The following KRT23 variants were observed in gnomAD, a reference collection of about 807,000 sequenced individuals.
The protein encoded by KRT23 is keratin 23.
In KRT23, 38 loss-of-function variants were observed where a neutral mutation model predicts 47.6. That is an observed-to-expected ratio of 0.80 (90% CI 0.62 to 1.05). The LOEUF (loss-of-function observed/expected upper bound fraction) is 1.05, where lower values mean the gene tolerates loss of function less well. Ranked by LOEUF, KRT23 falls within the 50% of genes least tolerant of loss-of-function variation. KRT23 has a pLI of 0.00. For missense variants in KRT23, 503 were observed against 529.5 expected (o/e 0.95, Z 0.49); for synonymous variants, 191 against 199.0 (o/e 0.96, Z 0.34).
Position 40,936,593 on chromosome 17 carries a change from C to G in KRT23, c.11G>C (p.Gly4Ala). 3 of 1,515,812 alleles carry G rather than the reference C, an allele frequency of 2.0e-6. No individual in the cohort carries two copies. Among genetic ancestry groups the G allele is most frequent in the Non-Finnish European group, 2.6e-6 (3 of 1,134,698 alleles). The allele number at this position is 1,515,812 out of a possible 1,614,324, so 93.9% of individuals were successfully genotyped here. Residue 4 changes from glycine to alanine, a missense_variant, in exon 2 of 9, where the codon GGA becomes GCA. By Grantham distance (60) the Gly-to-Ala change is moderately conservative. Coordinates refer to ENST00000209718, the MANE Select transcript of KRT23 (RefSeq NM_015515.5). MNSGHSFSQTPSAS... is the reference protein window; with the variant it reads MNSAHSFSQTPSAS... ...CGAGGGGGTCTGGCTGAAGCTGTGT[C>G]CGGAGTTCATGGTCCCATCTGTGTT...
Position 40,922,912 on chromosome 17 carries a change from C to A in KRT23, c.*77G>T, listed in dbSNP as rs1307681656. The A allele has an allele frequency of 1.9e-5, 19 of 977,950 alleles. No homozygotes were observed. The highest frequency in any genetic ancestry group is 2.9e-5 in the Non-Finnish European group (18 of 614,868). The allele number at this position is 977,950 out of a possible 1,614,324, so 60.6% of individuals were successfully genotyped here. On this transcript the variant is annotated 3_prime_UTR_variant, in exon 9 of 9. Coordinates refer to ENST00000209718, the MANE Select transcript of KRT23 (RefSeq NM_015515.5). ...ATAATTCCAAGGGTATCTTTTAGAA[C>A]TCACTCACTGGTGTCTGTGCAAGGA...
At chr17:40,923,552 T>C (rs1909053172) in intron 8 of KRT23, among the ~76,000 whole-genome samples, 1 of 152,228 alleles carries the variant, frequency 6.6e-6, no homozygotes, top group South Asian at 2.1e-4. Flanking sequence ...TTTGAATAAG[T>C]GCCTGTTGAA....
At position 40,936,101 on chromosome 17, in the gene KRT23, C is replaced by A. The variant is rs758560228; in HGVS notation, c.396+107G>T. The A allele has an allele frequency of 3.3e-6, 4 of 1,206,498 alleles. No individual in the cohort carries two copies. The African/African-American group carries it at 4.6e-5, about 14-fold the overall frequency. 74.7% of individuals were successfully genotyped at this position (1,206,498 alleles called of 1,614,324 possible). A position where few individuals can be genotyped will look rare whatever the true frequency, so the allele number is the denominator to read the frequency against. On this transcript the variant is annotated intron_variant, in intron 2 of 8. Transcript: ENST00000209718. ...AACCTTTGTGCACAATTACTTCAAG[C>A]GCTGATGCCATTTTCCTGGAAATTG...
rs1163169633 is a variant in KRT23 at position 40,928,448 on chromosome 17, G to A, written c.796C>T (p.Gln266Ter). ...AAGTTTGTGCATCTTTCTTTTACCT[G>A]TTCTTTATACCAAGTGTCCAAGTCT... ...HRDLDTWYKE[Q>*]SAAMSQEAAS... Residue 266 changes from glutamine to a stop codon, truncating the protein, a stop_gained and splice_region_variant, in exon 5 of 9, where the codon CAG becomes TAG. Transcript: ENST00000209718. LOFTEE classifies it high-confidence loss of function. 2 of 1,613,980 alleles carry A rather than the reference G, an allele frequency of 1.2e-6. No homozygotes were observed. The highest frequency in any genetic ancestry group is 8.5e-7 in the Non-Finnish European group (1 of 1,180,010).
At chr17:40,932,344 G>A (rs1301450384) in intron 2 of KRT23, among the ~76,000 whole-genome samples, 1 of 152,130 alleles carries the variant, frequency 6.6e-6, no homozygotes, top group East Asian at 1.9e-4. Context: ...ATACATTTAT[G>A]ATTTGTAAAC....
At position 40,928,329 on chromosome 17, in the gene KRT23, G is replaced by T; in HGVS notation, c.830C>A (p.Pro277Gln). The part of the protein sequence containing the change: ...SAAMSQEAAS[P>Q]ATVQSRQGDI... Reference sequence around the variant, plus strand: ...ACCTTGTCTGCTCTGCACAGTGGCTGGACTGGCTGCCTCCTGGGACATGGC... The same window carrying T: ...ACCTTGTCTGCTCTGCACAGTGGCTTGACTGGCTGCCTCCTGGGACATGGC... Residue 277 changes from proline to glutamine, a missense_variant, in exon 6 of 9, where the codon CCA (proline) becomes CAA (glutamine). Coordinates refer to ENST00000209718, the MANE Select transcript of KRT23 (RefSeq NM_015515.5). 1 of 1,614,210 alleles carries T rather than the reference G, an allele frequency of 6.2e-7. No homozygotes were observed. The highest frequency in any genetic ancestry group is 8.5e-7 in the Non-Finnish European group (1 of 1,180,050).
chr17:40,925,335 G>T lies in KRT23; in HGVS notation c.1142+19C>A, dbSNP rs190328415. 1.9e-6 allele frequency: 3 copies of T among 1,606,298 alleles called. No homozygotes were observed. The highest frequency in any genetic ancestry group is 2.6e-6 in the Non-Finnish European group (3 of 1,174,382). On this transcript the variant is annotated intron_variant, in intron 7 of 8. Coordinates refer to ENST00000209718, the MANE Select transcript of KRT23 (RefSeq NM_015515.5). Reference sequence around the variant, plus strand: ...TGGAGGTCCCTCGCATGCTCCTCTCGTGCCAGCCTTTGCCTTACCCTTCAC... The same window carrying T: ...TGGAGGTCCCTCGCATGCTCCTCTCTTGCCAGCCTTTGCCTTACCCTTCAC...
In KRT23 at chr17:40,936,775, G is replaced by T; in HGVS notation, c.-172C>A. 1 of 574,872 alleles carries T rather than the reference G, an allele frequency of 1.7e-6. No individual in the cohort carries two copies. Among genetic ancestry groups the T allele is most frequent in the Non-Finnish European group, 2.7e-6 (1 of 364,996 alleles). 35.6% of individuals were successfully genotyped at this position (574,872 alleles called of 1,614,324 possible). A position where few individuals can be genotyped will look rare whatever the true frequency, so the allele number is the denominator to read the frequency against. On this transcript the variant is annotated 5_prime_UTR_variant, in exon 2 of 9. Coordinates refer to ENST00000209718, the MANE Select transcript of KRT23 (RefSeq NM_015515.5). ...ATTGTGCAACTTGTGTTTCCTCTTG[G>T]TCAATCCCAAAGTGCCCCTGGGCCT...
At chr17:40,925,951 T>C (rs1280025885) in intron 6 of KRT23, among the ~76,000 whole-genome samples, 1 of 152,202 alleles carries the variant, frequency 6.6e-6, no homozygotes, top group Admixed American at 6.5e-5. Flanking sequence ...GAATTTCAGA[T>C]GAGTAATGAG....
intron 6 of KRT23, among the ~76,000 whole-genome samples, chr17:40,927,764 A>G (rs1369946018): frequency 2.0e-5 from 3 of 152,144 alleles, no homozygotes; most frequent in Non-Finnish European, 4.4e-5. Context: ...TCTGCCACCT[A>G]CCATGTTGGC....
Position 40,936,888 on chromosome 17 carries a change from T to G in KRT23, c.-285A>C, listed in dbSNP as rs1910121312. 1 of 373,950 alleles carries G rather than the reference T, an allele frequency of 2.7e-6. No homozygotes were observed. Among genetic ancestry groups the G allele is most frequent in the Admixed American group, 4.4e-5 (1 of 22,784 alleles). The allele number at this position is 373,950 out of a possible 1,614,324, so 23.2% of individuals were successfully genotyped here. A position where few individuals can be genotyped will look rare whatever the true frequency, so the allele number is the denominator to read the frequency against. ...TAACCCGGAGGTGTGGCCCACGACA[T>G]CAGGCGGGTATTGGGCTCAGGTATC... On this transcript the variant is annotated 5_prime_UTR_variant, in exon 2 of 9. An upstream start codon of the reference 5' UTR is lost. Coordinates refer to ENST00000209718, the MANE Select transcript of KRT23 (RefSeq NM_015515.5).
intron 3 of KRT23, 110 bp from the exon 4 acceptor site, chr17:40,930,206 G>A (rs1235369626): frequency 1.1e-6 from 1 of 937,938 alleles, no homozygotes; most frequent in African/African-American, 1.6e-5. Flanking sequence ...TTTAAAGAGA[G>A]CAAATGAATA....
intron 2 of KRT23, among the ~76,000 whole-genome samples, chr17:40,933,318 A>G (rs952297963): frequency 1.3e-5 from 2 of 152,068 alleles, no homozygotes; most frequent in African/African-American, 2.4e-5. Flanking sequence ...ACTTTTAGAT[A>G]TTTCCTTGTC....
chr17:40,925,623 T>A (rs749067628), intron 6 of KRT23, 49 bp from the exon 7 acceptor site: 45 of 1,375,562 alleles, frequency 3.3e-5, no homozygotes, highest in Non-Finnish European at 4.5e-5. Context: ...CTTGATTGAG[T>A]CAATAACAGG....
chr17:40,932,509 T>A (rs1909769368), intron 2 of KRT23, among the ~76,000 whole-genome samples: 1 of 152,210 alleles, frequency 6.6e-6, no homozygotes, highest in South Asian at 2.1e-4. Flanking sequence ...TGGTTCTGGC[T>A]CTGTTCTTGA....
At chr17:40,924,543 G>A (rs375172529) in intron 7 of KRT23, 40 bp from the exon 8 acceptor site, 2 of 1,541,964 alleles carry the variant, frequency 1.3e-6, no homozygotes, top group Non-Finnish European at 1.8e-6. Flanking sequence ...TTTAGTATTA[G>A]CAACAATCAT....
At chr17:40,923,145 A>T in intron 8 of KRT23, 62 bp from the exon 9 acceptor site, 1 of 1,285,938 alleles carries the variant, frequency 7.8e-7, no homozygotes, top group East Asian at 2.3e-5. Flanking sequence ...AACTGTACTC[A>T]TTTTCATTTC....
intron 4 of KRT23, among the ~76,000 whole-genome samples, chr17:40,929,404 C>T (rs1219258097): frequency 6.6e-6 from 1 of 152,246 alleles, no homozygotes; most frequent in Non-Finnish European, 1.5e-5. Flanking sequence ...AAACTGAGCT[C>T]TTTGATGTTG....
chr17:40,923,692 A>G (rs905377649), intron 8 of KRT23, among the ~76,000 whole-genome samples: 25 of 152,228 alleles, frequency 1.6e-4, no homozygotes, highest in Non-Finnish European at 2.8e-4. Context: ...CCATCCTAAG[A>G]CATGTGTGAA....
Sources: allele counts gnomAD v4.1 joint callset (sites outside exome capture counted in the v4.1 genomes callset), GRCh38; gene constraint gnomAD v4.1.1; transcripts MANE v1.5; gene names NCBI Gene and HGNC (gene_info 2026-07-23, HGNC 2026-07-21).